SRPX: variants seen among roughly 807,000 people sequenced by gnomAD.
SRPX encodes sushi repeat containing protein X-linked.
In SRPX, 24 loss-of-function variants were observed where a neutral mutation model predicts 38.1. The ratio of observed to expected loss-of-function variants is 0.63; its 90% CI spans 0.46 to 0.89. SRPX has a LOEUF of 0.89. Ranked by LOEUF, SRPX falls within the 40% of genes least tolerant of loss-of-function variation. The probability of loss-of-function intolerance (pLI) is 0.00; values close to 1 mark genes in which losing one functional copy is unlikely to be tolerated. For missense variants in SRPX, 416 were observed against 377.8 expected, an observed-to-expected ratio of 1.10 and a Z score of -0.84; for synonymous variants, 184 against 153.8, an observed-to-expected ratio of 1.20 and a Z score of -1.45.
chrX:38,205,321 G>A (rs1162032128), intron 1 of SRPX, among the ~76,000 whole-genome samples: 1 of 112,172 alleles, frequency 8.9e-6, no homozygotes, highest in Non-Finnish European at 1.9e-5. Context: ...CCAGTTAGCA[G>A]GTGGATAATA....
chrX:38,154,420 C>T (rs766077740), intron 9 of SRPX, 42 bp downstream of exon 9: 56 of 1,172,033 alleles, frequency 4.8e-5, no homozygotes, highest in Admixed American at 7.5e-5. Flanking sequence ...GTTAAAAATG[C>T]ATTCACAGGG....
intron 5 of SRPX, among the ~76,000 whole-genome samples, chrX:38,163,852 G>T (rs1377851237): frequency 8.9e-6 from 1 of 111,748 alleles, no homozygotes; most frequent in Admixed American, 9.5e-5. Flanking sequence ...AAAACAAGGG[G>T]TGAAAAAGTT....
intron 1 of SRPX, among the ~76,000 whole-genome samples, chrX:38,218,409 G>A (rs915499974): frequency 5.4e-4 from 61 of 112,548 alleles, no homozygotes; most frequent in African/African-American, 1.9e-3. Context: ...CTTCATGTAG[G>A]TTTTTATAGA....
At chrX:38,177,934 G>C (rs1938594742) in intron 2 of SRPX, among the ~76,000 whole-genome samples, 1 of 111,909 alleles carries the variant, frequency 8.9e-6, no homozygotes, top group African/African-American at 3.3e-5. Flanking sequence ...GTCCAGATTT[G>C]ACCTTAGGTG....
chrX:38,174,219 C>T lies in SRPX; in HGVS notation c.290G>A (p.Gly97Asp), dbSNP rs1468043316. The T allele has an allele frequency of 1.7e-6, 2 of 1,146,814 alleles. No individual in the cohort carries two copies. Among genetic ancestry groups the T allele is most frequent in the Non-Finnish European group, 2.3e-6 (2 of 866,174 alleles). The allele number at this position is 1,146,814 out of a possible 1,213,427, so 94.5% of individuals were successfully genotyped here. A position where few individuals can be genotyped will look rare whatever the true frequency, so the allele number is the denominator to read the frequency against. Residue 97 changes from glycine (G) to aspartate (D), a missense_variant, in exon 3 of 10, where the codon GGC becomes GAC. Physicochemically the swap from Gly to Asp is moderately conservative, Grantham distance 94. Coordinates refer to ENST00000378533, the MANE Select transcript of SRPX (RefSeq NM_006307.5). The part of the protein sequence containing the change: ...IRCQKGYELH[G>D]SSLLICQSNK... ...TGACTGGCAGATCAGTAGGGAAGAG[C>T]CATGCAGCTCGTAGCCCTTCTGGCA...
At chrX:38,216,157 T>C (rs1431057626) in intron 1 of SRPX, among the ~76,000 whole-genome samples, 3 of 111,780 alleles carry the variant, frequency 2.7e-5, no homozygotes, top group African/African-American at 9.8e-5. Context: ...TGCCACCATC[T>C]CCGCACCAGC....
At chrX:38,190,538 T>C (rs756128808) in intron 1 of SRPX, among the ~76,000 whole-genome samples, 13 of 111,934 alleles carry the variant, frequency 1.2e-4, no homozygotes, top group Admixed American at 1.1e-3. Context: ...AGCTTCTCTC[T>C]TGAAAGCACC....
intron 1 of SRPX, among the ~76,000 whole-genome samples, chrX:38,205,707 G>A (rs1258697351): frequency 8.9e-6 from 1 of 111,983 alleles, no homozygotes; most frequent in Non-Finnish European, 1.9e-5. Flanking sequence ...TGGAAAATGA[G>A]CCTTTGATAT....
At chrX:38,216,802 T>C (rs1939428552) in intron 1 of SRPX, among the ~76,000 whole-genome samples, 1 of 112,449 alleles carries the variant, frequency 8.9e-6, no homozygotes. Context: ...TATTTGCGTT[T>C]ACTAAGGAAA....
chrX:38,181,554 T>C (rs759378828), intron 1 of SRPX, among the ~76,000 whole-genome samples: 15 of 111,461 alleles, frequency 1.3e-4, no homozygotes, highest in Non-Finnish European at 2.6e-4. Flanking sequence ...ACGTTGGCAG[T>C]GGTGATAATC....
intron 9 of SRPX, 108 bp from the exon 10 acceptor site, chrX:38,150,002 C>A: frequency 1.5e-6 from 1 of 662,544 alleles, no homozygotes; most frequent in Non-Finnish European, 2.2e-6. Context: ...AGCTTTGATA[C>A]AATGAAGGAC....
chrX:38,188,351 T>C (rs1938827046), intron 1 of SRPX, among the ~76,000 whole-genome samples: 1 of 112,244 alleles, frequency 8.9e-6, no homozygotes, highest in Non-Finnish European at 1.9e-5. Flanking sequence ...TCCCTGTCTT[T>C]ACTACCATCA....
At chrX:38,151,964 G>C (rs1938025448) in intron 9 of SRPX, among the ~76,000 whole-genome samples, 1 of 111,152 alleles carries the variant, frequency 9.0e-6, no homozygotes, top group Non-Finnish European at 1.9e-5. Flanking sequence ...GGGTAAGAAA[G>C]AAGGTAGGCG....
rs35179239 is a variant in SRPX at position 38,194,863 on chromosome X, G to GTT, written c.98-16521_98-16520dup. Among the ~76,000 whole-genome samples, 231 of 53,667 alleles carry GTT rather than the reference G, an allele frequency of 4.3e-3. 11 individuals carry two copies. Among genetic ancestry groups the GTT allele is most frequent in the African/African-American group, 0.014 (156 of 10,828 alleles). 46.6% of individuals were successfully genotyped at this position (53,667 alleles called of 115,157 possible). ...AATGTTTTTTGTTTGTTTGTTTTTG[G>GTT]TTTTTTTTTTTTTTTTTTTTTTTTT... On this transcript the variant is annotated intron_variant, in intron 1 of 9. Coordinates refer to ENST00000378533, the MANE Select transcript of SRPX (RefSeq NM_006307.5).
intron 3 of SRPX, among the ~76,000 whole-genome samples, chrX:38,173,669 C>T (rs774310267): frequency 1.2e-4 from 13 of 111,432 alleles, no homozygotes; most frequent in Non-Finnish European, 2.1e-4. Context: ...AGGCTGGTGT[C>T]GAACTCCTGA....
Position 38,160,061 on chromosome X carries a change from C to T in SRPX, c.911G>A (p.Cys304Tyr), listed in dbSNP as rs758394767. 1 of 1,209,850 alleles carries T rather than the reference C, an allele frequency of 8.3e-7. No individual in the cohort carries two copies. The highest frequency in any genetic ancestry group is 1.8e-5 in the South Asian group (1 of 56,528). ...YELQGSPARVCQSNLAWSGTE... is the reference protein window; with the variant it reads ...YELQGSPARVYQSNLAWSGTE... ...GCCAGACCAAGCCAGGTTGGATTGA[C>T]ATACTCGGGCAGGGCTACCCTGGAG... Residue 304 changes from cysteine (C) to tyrosine (Y), a missense_variant, in exon 7 of 10, where the codon TGT becomes TAT. Coordinates refer to ENST00000378533, the MANE Select transcript of SRPX (RefSeq NM_006307.5).
At chrX:38,178,217 C>A in intron 2 of SRPX, 68 bp downstream of exon 2, 1 of 904,201 alleles carries the variant, frequency 1.1e-6, no homozygotes. Context: ...CAATCTGTTT[C>A]ACAAGGCAAA....
intron 2 of SRPX, among the ~76,000 whole-genome samples, chrX:38,174,756 T>C (rs1938539935): frequency 8.9e-6 from 1 of 112,334 alleles, no homozygotes; most frequent in Non-Finnish European, 1.9e-5. Flanking sequence ...TTTTTATTTT[T>C]ATTTTTTAGA....
intron 1 of SRPX, among the ~76,000 whole-genome samples, chrX:38,220,170 G>A (rs1332727729): frequency 8.8e-6 from 1 of 113,483 alleles, no homozygotes; most frequent in Non-Finnish European, 1.9e-5. Flanking sequence ...CCCCAGCAGG[G>A]GGGGTTAAGA....
Sources: gnomAD v4.1 joint callset for allele counts (sites outside exome capture counted in the v4.1 genomes callset) on GRCh38, gnomAD v4.1.1 for gene constraint, MANE v1.5 for transcripts, NCBI Gene and HGNC (gene_info 2026-07-23, HGNC 2026-07-21) for gene names.